FBF1: variants seen among roughly 807,000 people sequenced by gnomAD.
FBF1 encodes the protein fas-binding factor 1.
In FBF1, 119 loss-of-function variants were observed where a neutral mutation model predicts 147.2. That is an observed-to-expected ratio of 0.81 (90% CI 0.70 to 0.94). The LOEUF (loss-of-function observed/expected upper bound fraction) is 0.94, where lower values mean the gene tolerates loss of function less well. Among genes scored for constraint, FBF1 ranks in the 40% least tolerant of loss-of-function variants. The pLI, the probability that FBF1 is intolerant of heterozygous loss-of-function variation, is 0.00. For synonymous variants in FBF1, 601 were observed against 609.0 expected (o/e 0.99, Z 0.19); for missense variants, 1,449 against 1,500.8 (o/e 0.97, Z 0.57).
In FBF1 at chr17:75,920,292, CA is replaced by C; in HGVS notation, c.1811del (p.Leu604ArgfsTer13). 1 of 1,610,508 alleles carries C rather than the reference CA, an allele frequency of 6.2e-7. No homozygotes were observed. On this transcript the variant is annotated frameshift_variant, in exon 18 of 30. Coordinates refer to ENST00000636174, the MANE Select transcript of FBF1 (RefSeq NM_001319193.2). LOFTEE classifies it high-confidence loss of function. ...QAELLHSQAR[L>X]AELEAQVRKL... is the part of the protein sequence containing the mutation. Reference sequence around the variant, plus strand: ...CCCTCACCTGGGCCTCCAGCTCTGCCAGCCGGGCCTGGCTATGCAGCAGCTC... The same window carrying C: ...CCCTCACCTGGGCCTCCAGCTCTGCCGCCGGGCCTGGCTATGCAGCAGCTC...
At chr17:75,929,945 A>AGGGGCCCCCC in intron 7 of FBF1, 52 bp downstream of exon 7, 2 of 650,836 alleles carry the variant, frequency 3.1e-6, no homozygotes, top group Non-Finnish European at 2.8e-6. Flanking sequence ...AAATATCATG[A>AGGGGCCCCCC]CCCCACCCCA....
intron 1 of FBF1, 27 bp downstream of exon 1, chr17:75,940,821 G>A (rs1440873996): frequency 6.5e-6 from 1 of 153,760 alleles, no homozygotes. Flanking sequence ...CCTCCGTCCC[G>A]AGACTCCGCG....
At chr17:75,914,362 C>T in intron 25 of FBF1, 64 bp from the exon 26 acceptor site, 2 of 1,507,812 alleles carry the variant, frequency 1.3e-6, no homozygotes, top group Non-Finnish European at 8.8e-7. Context: ...CTGTGCAGGA[C>T]TCTAGGGTCC....
chr17:75,914,367 G>C, intron 25 of FBF1, 69 bp from the exon 26 acceptor site: 1 of 1,502,178 alleles, frequency 6.7e-7, no homozygotes, highest in Non-Finnish European at 8.8e-7. Flanking sequence ...CAGGACTCTA[G>C]GGTCCCCTCT....
chr17:75,933,161 G>C, intron 4 of FBF1, 73 bp from the exon 5 acceptor site: 1 of 1,191,168 alleles, frequency 8.4e-7, no homozygotes. Flanking sequence ...AGGCTGGCAA[G>C]CTCCCTTCCC....
In FBF1 at chr17:75,928,931, T is replaced by C. The variant is rs974141214; in HGVS notation, c.280-738A>G. On this transcript the variant is annotated intron_variant, in intron 7 of 29. Coordinates refer to ENST00000636174, the MANE Select transcript of FBF1 (RefSeq NM_001319193.2). This position sits in a 1 kb window ranked among gnomAD's most constrained non-coding sequence, Gnocchi z 4.2. The stretch of plus-strand genomic sequence containing the variant: ...GCCTCCAACTTCTGAGCTCAAGTGA[T>C]CCACCTGCCATGGCCTCCCAAAGTG... Among the ~76,000 whole-genome samples, 93 of 149,828 alleles carry C rather than the reference T, an allele frequency of 6.2e-4. No individual in the cohort carries two copies. Among genetic ancestry groups the C allele is most frequent in the Non-Finnish European group, 1.3e-4 (9 of 67,630 alleles).
Position 75,918,307 on chromosome 17 carries a change from C to T in FBF1, c.2139-38G>A. 6.5e-7 allele frequency: 1 copy of T among 1,547,010 alleles called. No homozygotes were observed. The stretch of plus-strand genomic sequence containing the variant: ...GGGAGGGGAAGGCGGTCACTCTGAG[C>T]TGGATCACCCTGATGCGGTAACTCC... On this transcript the variant is annotated intron_variant, in intron 20 of 29. Coordinates refer to ENST00000636174, the MANE Select transcript of FBF1 (RefSeq NM_001319193.2). This position sits in a 1 kb window ranked among gnomAD's most constrained non-coding sequence, Gnocchi z 5.8.
At position 75,910,604 on chromosome 17, in the gene FBF1, G is replaced by T; in HGVS notation, c.*119C>A. On this transcript the variant is annotated 3_prime_UTR_variant, in exon 30 of 30. Transcript: ENST00000636174. This position sits in a 1 kb window ranked among gnomAD's most constrained non-coding sequence, Gnocchi z 4.1. ...CTTGCACCCTGTCCACGGAAGAGCT[G>T]TCATCAGGCCTCAAGCATCTCAGAA... The T allele has an allele frequency of 2.4e-6, 2 of 845,328 alleles. No homozygotes were observed. The highest frequency in any genetic ancestry group is 3.7e-6 in the Non-Finnish European group (2 of 534,404). 52.4% of individuals were successfully genotyped at this position (845,328 alleles called of 1,614,324 possible). A position where few individuals can be genotyped will look rare whatever the true frequency, so the allele number is the denominator to read the frequency against.
At chr17:75,912,090 G>T in intron 29 of FBF1, 102 bp downstream of exon 29, 1 of 1,143,252 alleles carries the variant, frequency 8.7e-7, no homozygotes, top group Non-Finnish European at 1.3e-6. Context: ...CCCAGGAGCT[G>T]GGGTCACCCC....
At chr17:75,940,219 G>A (rs1052880058) in intron 1 of FBF1, among the ~76,000 whole-genome samples, 2 of 151,108 alleles carry the variant, frequency 1.3e-5, no homozygotes, top group African/African-American at 4.9e-5. Flanking sequence ...AGGATTACAG[G>A]TGTGAGCCAC....
chr17:75,938,008 T>C (rs2144201649), intron 2 of FBF1, 139 bp downstream of exon 2: 3 of 1,301,628 alleles, frequency 2.3e-6, no homozygotes, highest in Non-Finnish European at 2.2e-6. Context: ...CAATGCCACC[T>C]CCTGTCACTC....
rs2065473178 is a variant in FBF1 at position 75,914,106 on chromosome 17, T to A, written c.2991+16A>T. On this transcript the variant is annotated intron_variant, in intron 26 of 29. Transcript: ENST00000636174. ...CTGGGCTCAGATGCGCCCACGCCCA[T>A]GTGCCCGAGCAGCACCTTGCTCATG... 1 of 1,597,264 alleles carries A rather than the reference T, an allele frequency of 6.3e-7. No homozygotes were observed. Among genetic ancestry groups the A allele is most frequent in the Non-Finnish European group, 8.5e-7 (1 of 1,176,134 alleles).
Position 75,937,672 on chromosome 17 carries a change from C to T in FBF1, c.4-79G>A, listed in dbSNP as rs143571737. The T allele has an allele frequency of 2.2e-5, 33 of 1,513,362 alleles. 1 individual carries two copies. In the East Asian group the frequency reaches 2.5e-4, roughly 11 times the overall value. The allele number at this position is 1,513,362 out of a possible 1,614,324, so 93.7% of individuals were successfully genotyped here. On this transcript the variant is annotated intron_variant, in intron 2 of 29. Coordinates refer to ENST00000636174, the MANE Select transcript of FBF1 (RefSeq NM_001319193.2). ...GAAATTGGCAATGCAGAATGAATTG[C>T]GTTGCCTTTTGCCAAGTAACCAGAG...
intron 3 of FBF1, among the ~76,000 whole-genome samples, chr17:75,937,331 C>G (rs888295040): frequency 6.6e-6 from 1 of 151,960 alleles, no homozygotes; most frequent in Non-Finnish European, 1.5e-5. Context: ...CCACCACGCC[C>G]GGCTAATTTT....
intron 17 of FBF1, 95 bp from the exon 18 acceptor site, chr17:75,920,524 C>A: frequency 7.5e-7 from 1 of 1,326,754 alleles, no homozygotes; most frequent in Non-Finnish European, 1.0e-6. Context: ...CTGGACCTCC[C>A]TGCATCTGAT....
chr17:75,927,593 C>T (rs1225341305), intron 8 of FBF1, 61 bp from the exon 9 acceptor site: 1 of 1,489,786 alleles, frequency 6.7e-7, no homozygotes, highest in African/African-American at 1.4e-5. Flanking sequence ...GTCCTCCTCC[C>T]ATATCATGGA....
chr17:75,928,250 CCA>C lies in FBF1; in HGVS notation c.280-59_280-58del. ...ATGTCTGATAAGGGGCTGAGGACTT[CCA>C]CCTGAGAGAGATGGGCTGTTGGCAC... On this transcript the variant is annotated intron_variant, in intron 7 of 29. Transcript: ENST00000636174. This position sits in a 1 kb window ranked among gnomAD's most constrained non-coding sequence, Gnocchi z 4.2. The C allele has an allele frequency of 2.1e-6, 3 of 1,445,498 alleles. No homozygotes were observed. The allele number at this position is 1,445,498 out of a possible 1,614,324, so 89.5% of individuals were successfully genotyped here.
chr17:75,939,738 G>C lies in FBF1; in HGVS notation c.-84+1110C>G, dbSNP rs1244052483. 4 of 151,816 alleles carry C rather than the reference G, an allele frequency of 2.6e-5. No individual in the cohort carries two copies. In the South Asian group the frequency reaches 6.2e-4, roughly 24 times the overall value. 9.4% of individuals were successfully genotyped at this position (151,816 alleles called of 1,614,324 possible). A position where few individuals can be genotyped will look rare whatever the true frequency, so the allele number is the denominator to read the frequency against. On this transcript the variant is annotated intron_variant, in intron 1 of 29. Coordinates refer to ENST00000636174, the MANE Select transcript of FBF1 (RefSeq NM_001319193.2). Reference sequence around the variant, plus strand: ...AGTGGAAATATTTCCCTTTACATAGGCAGTAAATCTGACCCATTGAGAACA... The same window carrying C: ...AGTGGAAATATTTCCCTTTACATAGCCAGTAAATCTGACCCATTGAGAACA...
chr17:75,910,682 G>A lies in FBF1; in HGVS notation c.*41C>T. 6.4e-7 allele frequency: 1 copy of A among 1,559,570 alleles called. No individual in the cohort carries two copies. Among genetic ancestry groups the A allele is most frequent in the Non-Finnish European group, 8.7e-7 (1 of 1,144,848 alleles). ...GCAGCCGGAGGAACAGGACAGTTCTGGGGTCCGAACCCTCTGTTGGGGAAT... is the reference window on the plus strand; with the variant it reads ...GCAGCCGGAGGAACAGGACAGTTCTAGGGTCCGAACCCTCTGTTGGGGAAT... On this transcript the variant is annotated 3_prime_UTR_variant, in exon 30 of 30. Coordinates refer to ENST00000636174, the MANE Select transcript of FBF1 (RefSeq NM_001319193.2). The surrounding 1 kb of genome is among the most constrained non-coding windows in gnomAD (Gnocchi z 4.1).
Sources: gnomAD v4.1 joint callset for allele counts (sites outside exome capture counted in the v4.1 genomes callset) on GRCh38, gnomAD v4.1.1 for gene constraint, Gnocchi (gnomAD v3.1) non-coding constraint, MANE v1.5 for transcripts, NCBI Gene and HGNC (gene_info 2026-07-23, HGNC 2026-07-21) for gene names.